CDK13: variants seen among roughly 807,000 people sequenced by gnomAD.
CDK13 encodes cyclin dependent kinase 13, also known as cyclin-dependent kinase 13.
A neutral mutation model predicts 137.6 loss-of-function variants in CDK13; 40 were observed. The ratio of observed to expected loss-of-function variants is 0.29; its 90% CI spans 0.23 to 0.38. The LOEUF is 0.38. Ranked by LOEUF, CDK13 falls within the 10% of genes least tolerant of loss-of-function variation. The pLI is 1.00. For synonymous variants in CDK13, 869 were observed against 760.1 expected (o/e 1.14, Z -2.36); for missense variants, 1,704 against 1,951.8 (o/e 0.87, Z 2.39).
At chr7:40,030,304 G>A (rs1785348338) in intron 5 of CDK13, among the ~76,000 whole-genome samples, 1 of 151,444 alleles carries the variant, frequency 6.6e-6, no homozygotes, top group African/African-American at 2.4e-5. Context: ...AAGTCATTCA[G>A]TCAGTCTGGC....
intron 5 of CDK13, among the ~76,000 whole-genome samples, chr7:40,015,568 C>G (rs1240291201): frequency 6.6e-6 from 1 of 152,072 alleles, no homozygotes; most frequent in African/African-American, 2.4e-5. Context: ...ATAGTAAGCA[C>G]ACATCAGTAA....
At chr7:40,064,957 A>ATTTTTTTT (rs56710188) in intron 9 of CDK13, among the ~76,000 whole-genome samples, 2 of 46,142 alleles carry the variant, frequency 4.3e-5, no homozygotes, top group Non-Finnish European at 4.0e-5. Flanking sequence ...ATGCTGGGTG[A>ATTTTTTTT]TTTTTTTTTT....
chr7:39,992,207 C>A (rs1784478224), intron 2 of CDK13, among the ~76,000 whole-genome samples: 1 of 135,264 alleles, frequency 7.4e-6, no homozygotes. Flanking sequence ...TGTGTATACA[C>A]TTCTCCCCGA....
intron 5 of CDK13, among the ~76,000 whole-genome samples, chr7:40,029,883 A>G (rs947416839): frequency 2.0e-5 from 3 of 152,028 alleles, no homozygotes; most frequent in Non-Finnish European, 4.4e-5. Context: ...CGAACTCCTG[A>G]CGTTGTGATA....
chr7:40,087,337 T>C (rs576492277), intron 11 of CDK13, among the ~76,000 whole-genome samples: 1 of 152,136 alleles, frequency 6.6e-6, no homozygotes, highest in African/African-American at 2.4e-5. Context: ...AAGACAGGGT[T>C]TTGCCATGTT....
At chr7:40,057,878 G>A (rs1786055533) in intron 7 of CDK13, among the ~76,000 whole-genome samples, 1 of 151,366 alleles carries the variant, frequency 6.6e-6, no homozygotes, top group African/African-American at 2.5e-5. Context: ...AGTTCAAATA[G>A]GGGGAAAGAA....
At position 40,076,550 on chromosome 7, in the gene CDK13, G is replaced by A. The variant is rs141930545; in HGVS notation, c.2781-1455G>A. 2.7e-4 allele frequency among the ~76,000 whole-genome samples: 41 copies of A among 151,974 alleles called. 2 individuals carry two copies. In the East Asian group the frequency reaches 7.5e-3, roughly 28 times the overall value. ...GGAGTTGGGCTTTCTTTTCAAGGGA[G>A]TAGGGTTGAGGAGGTTGTGAAAATT... On this transcript the variant is annotated intron_variant, in intron 9 of 13. Coordinates refer to ENST00000181839, the MANE Select transcript of CDK13 (RefSeq NM_003718.5).
intron 1 of CDK13, among the ~76,000 whole-genome samples, chr7:39,953,983 T>A (rs1787323845): frequency 6.6e-6 from 1 of 152,352 alleles, no homozygotes; most frequent in South Asian, 2.1e-4. Flanking sequence ...TTTATCTTTT[T>A]AAAGCATGCA....
intron 1 of CDK13, among the ~76,000 whole-genome samples, chr7:39,972,771 A>G (rs1228370072): frequency 6.6e-6 from 1 of 152,122 alleles, no homozygotes; most frequent in Non-Finnish European, 1.5e-5. Context: ...ACATTTGTGT[A>G]CAAGTTTTTG....
At chr7:40,050,466 A>C (rs996435210) in intron 7 of CDK13, among the ~76,000 whole-genome samples, 1 of 152,306 alleles carries the variant, frequency 6.6e-6, no homozygotes, top group Admixed American at 6.5e-5. Context: ...ATCTCAGCTC[A>C]CTGCAACCTC....
intron 5 of CDK13, among the ~76,000 whole-genome samples, chr7:40,043,786 C>A (rs1340923525): frequency 6.6e-6 from 1 of 150,984 alleles, no homozygotes; most frequent in Non-Finnish European, 1.5e-5. Context: ...TGTGATGGTG[C>A]CACTGTACTC....
intron 2 of CDK13, among the ~76,000 whole-genome samples, chr7:39,991,256 A>G (rs1049791121): frequency 6.6e-6 from 1 of 152,236 alleles, no homozygotes; most frequent in African/African-American, 2.4e-5. Flanking sequence ...TAAAGAAACA[A>G]TCTTTTCTGT....
At chr7:40,059,247 T>C (rs1562754082) in intron 7 of CDK13, 1 of 152,280 alleles carries the variant, frequency 6.6e-6, no homozygotes, top group Non-Finnish European at 1.5e-5. Context: ...GCTTGGTTTG[T>C]TGTGGATACG....
chr7:39,951,773 C>T lies in CDK13; in HGVS notation c.1132C>T (p.Arg378Trp), dbSNP rs2116072453. ...PSYSRHSSYE[R>W]GGDVSPSPYS... ...CTACAGCCGCCACAGCTCCTACGAGCGGGGCGGCGACGTGTCCCCTAGTCC... is the reference window on the plus strand; with the variant it reads ...CTACAGCCGCCACAGCTCCTACGAGTGGGGCGGCGACGTGTCCCCTAGTCC... The change falls in exon 1 of 14, where the codon CGG becomes TGG. Residue 378 changes from arginine (R) to tryptophan (W), a missense_variant. By Grantham distance (101) the Arg-to-Trp change is moderately radical (BLOSUM62 -3). Coordinates refer to ENST00000181839, the MANE Select transcript of CDK13 (RefSeq NM_003718.5). The T allele has an allele frequency of 6.8e-7, 1 of 1,478,518 alleles. No individual in the cohort carries two copies. Among genetic ancestry groups the T allele is most frequent in the East Asian group, 2.5e-5 (1 of 39,420 alleles). The allele number at this position is 1,478,518 out of a possible 1,614,324, so 91.6% of individuals were successfully genotyped here. A position where few individuals can be genotyped will look rare whatever the true frequency, so the allele number is the denominator to read the frequency against.
intron 5 of CDK13, among the ~76,000 whole-genome samples, chr7:40,024,529 T>A (rs1584003456): frequency 6.6e-6 from 1 of 152,280 alleles, no homozygotes; most frequent in East Asian, 1.9e-4. Flanking sequence ...AAATTCTACC[T>A]TTTCTGAAAG....
chr7:39,969,947 A>G (rs748243140), intron 1 of CDK13, among the ~76,000 whole-genome samples: 1 of 152,186 alleles, frequency 6.6e-6, no homozygotes, highest in Non-Finnish European at 1.5e-5. Context: ...CACTTTCCCT[A>G]ACAGTAATTT....
intron 5 of CDK13, 81 bp from the exon 6 acceptor site, chr7:40,045,755 G>A (rs1785723026): frequency 1.1e-6 from 1 of 888,464 alleles, no homozygotes; most frequent in Admixed American, 2.4e-5. Flanking sequence ...TCCTCTACCA[G>A]CCTTTTATTG....
chr7:40,017,937 TA>T (rs552283987), intron 5 of CDK13, among the ~76,000 whole-genome samples: 6,884 of 150,528 alleles, frequency 0.046, 193 homozygotes, highest in Middle Eastern at 0.082. Flanking sequence ...TTTTTTTTTT[TA>T]AATTCCCACA....
chr7:39,953,795 A>G (rs1056038937), intron 1 of CDK13, among the ~76,000 whole-genome samples: 2 of 152,196 alleles, frequency 1.3e-5, no homozygotes, highest in African/African-American at 4.8e-5. Context: ...TTGCTGACAG[A>G]TGGCCATTTG....
Sources: allele counts gnomAD v4.1 joint callset (sites outside exome capture counted in the v4.1 genomes callset), GRCh38; gene constraint gnomAD v4.1.1; transcripts MANE v1.5; gene names NCBI Gene and HGNC (gene_info 2026-07-23, HGNC 2026-07-21).